Variants in LCLAT1 observed in about 807,000 individuals in gnomAD.
The protein encoded by LCLAT1 is 1-AGP acyltransferase 8.
In LCLAT1, 11 loss-of-function variants were observed where a neutral mutation model predicts 30.7. The observed-to-expected ratio is 0.36, with a 90% CI of 0.23 to 0.59. LCLAT1 has a LOEUF of 0.59. LCLAT1 is among the 20% of genes least tolerant of loss of function. The pLI, the probability that LCLAT1 is intolerant of heterozygous loss-of-function variation, is 0.77. For missense variants in LCLAT1, 402 were observed against 458.6 expected (o/e 0.88, Z 1.13); for synonymous variants, 155 against 151.3 (o/e 1.02, Z -0.18).
chr2:30,548,707 T>C (rs1409196383), intron 3 of LCLAT1, among the ~76,000 whole-genome samples: 4 of 152,166 alleles, frequency 2.6e-5, no homozygotes, highest in Middle Eastern at 6.3e-3. Context: ...ATAAGGGGAT[T>C]ATCTATATAA....
chr2:30,574,752 T>C (rs1217995071), intron 5 of LCLAT1, among the ~76,000 whole-genome samples: 1 of 152,198 alleles, frequency 6.6e-6, no homozygotes, highest in Non-Finnish European at 1.5e-5. Flanking sequence ...TTGTAAGGCA[T>C]CTGTTCTACA....
chr2:30,534,648 C>A (rs1243537064), intron 3 of LCLAT1, among the ~76,000 whole-genome samples: 1 of 152,144 alleles, frequency 6.6e-6, no homozygotes, highest in African/African-American at 2.4e-5. Flanking sequence ...ATATAGTGAT[C>A]TCAGATTTCT....
chr2:30,579,127 A>G (rs1449111223), intron 5 of LCLAT1, among the ~76,000 whole-genome samples: 1 of 152,090 alleles, frequency 6.6e-6, no homozygotes, highest in Non-Finnish European at 1.5e-5. Flanking sequence ...ATATGCCTAG[A>G]TTAGTTTTAA....
chr2:30,609,748 TTC>T (rs1226444805), intron 5 of LCLAT1, among the ~76,000 whole-genome samples: 1 of 152,160 alleles, frequency 6.6e-6, no homozygotes, highest in Non-Finnish European at 1.5e-5. Context: ...CTCACCTCAC[TTC>T]TCTTAAAATT....
intron 3 of LCLAT1, among the ~76,000 whole-genome samples, chr2:30,544,798 A>T (rs139767342): frequency 1.3e-5 from 2 of 152,296 alleles, no homozygotes; most frequent in African/African-American, 4.8e-5. Context: ...TATTAGACTT[A>T]AGGTCCATAA....
At chr2:30,543,954 T>A (rs886826681) in intron 3 of LCLAT1, among the ~76,000 whole-genome samples, 2 of 152,190 alleles carry the variant, frequency 1.3e-5, no homozygotes, top group Non-Finnish European at 2.9e-5. Flanking sequence ...TTTGCTTTTT[T>A]TAAAATTTTT....
At chr2:30,543,562 T>G (rs1178381196) in intron 3 of LCLAT1, among the ~76,000 whole-genome samples, 2 of 151,790 alleles carry the variant, frequency 1.3e-5, no homozygotes, top group African/African-American at 4.8e-5. Flanking sequence ...AAGCTTGGAG[T>G]TTTTTTTAGT....
intron 1 of LCLAT1, among the ~76,000 whole-genome samples, chr2:30,474,066 TAAAGAA>T (rs1455099736): frequency 6.6e-6 from 1 of 152,194 alleles, no homozygotes; most frequent in African/African-American, 2.4e-5. Context: ...ATACATGTGT[TAAAGAA>T]AAACTCATAA....
At chr2:30,497,270 A>G (rs542906345) in intron 1 of LCLAT1, among the ~76,000 whole-genome samples, 7 of 152,302 alleles carry the variant, frequency 4.6e-5, no homozygotes, top group African/African-American at 1.7e-4. Flanking sequence ...GAGAAGTGCC[A>G]TCCCCAATAA....
intron 1 of LCLAT1, among the ~76,000 whole-genome samples, chr2:30,522,151 G>A (rs2148377733): frequency 6.6e-6 from 1 of 152,282 alleles, no homozygotes; most frequent in Admixed American, 6.5e-5. Flanking sequence ...TAATGCTGCT[G>A]TGAATAATTA....
intron 1 of LCLAT1, among the ~76,000 whole-genome samples, chr2:30,451,534 A>G (rs1342068549): frequency 6.6e-6 from 1 of 152,256 alleles, no homozygotes; most frequent in East Asian, 1.9e-4. Context: ...GTAAATTGTG[A>G]TATGTTTATA....
At chr2:30,636,037 C>T (rs778625262) in intron 5 of LCLAT1, among the ~76,000 whole-genome samples, 2 of 152,074 alleles carry the variant, frequency 1.3e-5, no homozygotes, top group East Asian at 1.9e-4. Context: ...TATCAGTGTA[C>T]GTGCTTTAAG....
chr2:30,519,646 A>G (rs1199173303), intron 1 of LCLAT1, among the ~76,000 whole-genome samples: 1 of 152,180 alleles, frequency 6.6e-6, no homozygotes, highest in Non-Finnish European at 1.5e-5. Context: ...GCTCACTAAA[A>G]TGCCCATTAG....
chr2:30,612,913 C>A (rs1453288524), intron 5 of LCLAT1, among the ~76,000 whole-genome samples: 1 of 151,964 alleles, frequency 6.6e-6, no homozygotes, highest in Non-Finnish European at 1.5e-5. Context: ...ATAAAATAAA[C>A]AAAAATTTAG....
chr2:30,484,635 C>G (rs1683476365), intron 1 of LCLAT1, among the ~76,000 whole-genome samples: 1 of 152,034 alleles, frequency 6.6e-6, no homozygotes, highest in Non-Finnish European at 1.5e-5. Flanking sequence ...GTTTCTTTGT[C>G]CAGAGCTTAG....
chr2:30,619,286 T>C (rs1181856704), intron 5 of LCLAT1, among the ~76,000 whole-genome samples: 1 of 152,192 alleles, frequency 6.6e-6, no homozygotes, highest in African/African-American at 2.4e-5. Flanking sequence ...ATACTGGTGT[T>C]GAAAAGATGG....
intron 1 of LCLAT1, among the ~76,000 whole-genome samples, chr2:30,451,337 C>T (rs1207946571): frequency 3.9e-5 from 6 of 152,208 alleles, no homozygotes; most frequent in African/African-American, 1.4e-4. Context: ...TCAAATGGTA[C>T]AGTCACTTTG....
At chr2:30,635,793 A>T (rs992839661) in intron 5 of LCLAT1, among the ~76,000 whole-genome samples, 4 of 152,228 alleles carry the variant, frequency 2.6e-5, no homozygotes, top group Non-Finnish European at 4.4e-5. Context: ...ACATTAGTTC[A>T]CCAAATTGTT....
intron 1 of LCLAT1, among the ~76,000 whole-genome samples, chr2:30,482,827 A>T (rs1683384224): frequency 6.6e-6 from 1 of 151,688 alleles, no homozygotes; most frequent in Non-Finnish European, 1.5e-5. Flanking sequence ...AGCAGTTTGG[A>T]TTACAGGAAA....
Sources: gnomAD v4.1 joint callset for allele counts (sites outside exome capture counted in the v4.1 genomes callset) on GRCh38, gnomAD v4.1.1 for gene constraint, MANE v1.5 for transcripts, NCBI Gene and HGNC (gene_info 2026-07-23, HGNC 2026-07-21) for gene names.